The following ZDHHC13 variants were observed in gnomAD, a reference collection of about 807,000 sequenced individuals.
ZDHHC13 encodes zDHHC palmitoyltransferase 13.
Under a neutral mutation model 86.0 loss-of-function variants are expected in ZDHHC13, and 85 were observed. The observed-to-expected ratio is 0.99, with a 90% confidence interval of 0.83 to 1.18. The LOEUF (loss-of-function observed/expected upper bound fraction) is 1.18. Ranked by LOEUF, ZDHHC13 falls within the 50% of genes most tolerant of loss-of-function variation. The pLI, the probability that ZDHHC13 is intolerant of heterozygous loss-of-function variation, is 0.00. For missense variants in ZDHHC13, 711 were observed against 730.2 expected, an observed-to-expected ratio of 0.97 and a Z score of 0.30; for synonymous variants, 263 against 246.4, an observed-to-expected ratio of 1.07 and a Z score of -0.63.
rs1245381967 is a variant in ZDHHC13, at chr11:19,165,046, A to C, written c.1297-6A>C. 2 of 1,611,140 alleles carry C rather than the reference A, an allele frequency of 1.2e-6. No individual in the cohort carries two copies. The highest frequency in any genetic ancestry group is 1.7e-6 in the Non-Finnish European group (2 of 1,178,534). Reference sequence around the variant, plus strand: ...TTGCTTAGGCCTCTCTTAATTGCCCACTTAGATAAGGAAGCCATTAAGGTC... The same window carrying C: ...TTGCTTAGGCCTCTCTTAATTGCCCCCTTAGATAAGGAAGCCATTAAGGTC... On this transcript the variant is annotated splice_region_variant and splice_polypyrimidine_tract_variant and intron_variant, in intron 12 of 16. Coordinates refer to ENST00000446113, the MANE Select transcript of ZDHHC13 (RefSeq NM_019028.3).
In ZDHHC13 at chr11:19,163,309, C is replaced by T; in HGVS notation, c.1115C>T (p.Ala372Val). 1 of 1,583,672 alleles carries T rather than the reference C, an allele frequency of 6.3e-7. No homozygotes were observed. The highest frequency in any genetic ancestry group is 8.6e-7 in the Non-Finnish European group (1 of 1,168,956). ...TWFILFFPDL[A>V]GAPFYFSFIF... The stretch of plus-strand genomic sequence containing the variant: ...TCCTTAACTTGGCTTTAACATTTAG[C>T]AGGAGCCCCTTTCTATTTCAGTTTC... The change falls in exon 11 of 17, where the codon GCA (alanine) becomes GTA (valine). Residue 372 changes from alanine to valine, a missense_variant. Transcript: ENST00000446113.
In ZDHHC13 at chr11:19,166,479, A is replaced by G. The variant is rs1850073066; in HGVS notation, c.1474+94A>G. On this transcript the variant is annotated intron_variant, in intron 14 of 16. Transcript: ENST00000446113. The stretch of plus-strand genomic sequence containing the variant: ...TTGTATATCACATTCTGGCTGGGTG[A>G]CTATAAACCATACTCCTAATAAAAA... The G allele has an allele frequency of 2.4e-5, 23 of 974,562 alleles. No homozygotes were observed. The South Asian group carries it at 3.3e-4, about 14-fold the overall frequency. The allele number at this position is 974,562 out of a possible 1,614,324, so 60.4% of individuals were successfully genotyped here.
At chr11:19,144,882 G>A (rs1319001816) in intron 2 of ZDHHC13, among the ~76,000 whole-genome samples, 7 of 152,180 alleles carry the variant, frequency 4.6e-5, no homozygotes, top group Non-Finnish European at 5.9e-5. Context: ...TTGGCAGGCC[G>A]AGGTGGGCAG....
At chr11:19,155,083 A>G (rs1234062416) in intron 8 of ZDHHC13, among the ~76,000 whole-genome samples, 1 of 152,198 alleles carries the variant, frequency 6.6e-6, no homozygotes, top group Non-Finnish European at 1.5e-5. Flanking sequence ...TAGGGATGGC[A>G]TGGTGCAGTG....
At chr11:19,164,064 T>C (rs1849986800) in intron 11 of ZDHHC13, among the ~76,000 whole-genome samples, 1 of 152,122 alleles carries the variant, frequency 6.6e-6, no homozygotes, top group Non-Finnish European at 1.5e-5. Flanking sequence ...GATGAGGTGA[T>C]AGGTGGGAGT....
At chr11:19,162,507 G>C (rs1849940055) in intron 10 of ZDHHC13, among the ~76,000 whole-genome samples, 1 of 152,100 alleles carries the variant, frequency 6.6e-6, no homozygotes, top group African/African-American at 2.4e-5. Context: ...TACCCTAAAA[G>C]TGTGGTTTTA....
intron 1 of ZDHHC13, among the ~76,000 whole-genome samples, chr11:19,126,351 T>TTC (rs1848876525): frequency 6.7e-6 from 1 of 150,330 alleles, no homozygotes; most frequent in South Asian, 2.1e-4. Context: ...TCTTTTTTTT[T>TTC]TTTGCAGTGG....
intron 10 of ZDHHC13, 81 bp downstream of exon 10, chr11:19,159,121 G>T: frequency 1.0e-6 from 1 of 980,484 alleles, no homozygotes; most frequent in South Asian, 1.7e-5. Context: ...TTTAGGTATT[G>T]GAAAAGGCCC....
intron 15 of ZDHHC13, among the ~76,000 whole-genome samples, chr11:19,171,716 G>A (rs190811360): frequency 1.5e-3 from 232 of 152,168 alleles, no homozygotes; most frequent in African/African-American, 5.1e-3. Context: ...CTTAGAATAA[G>A]TACAAGTATA....
At position 19,132,627 on chromosome 11, in the gene ZDHHC13, C is replaced by T. The variant is rs138537522; in HGVS notation, c.28-10351C>T. On this transcript the variant is annotated intron_variant, in intron 1 of 16. Coordinates refer to ENST00000446113, the MANE Select transcript of ZDHHC13 (RefSeq NM_019028.3). The stretch of plus-strand genomic sequence containing the variant: ...TGCCCACAACTGCCAGCTATCTCAG[C>T]CTCTCTGATCTCAAATTTCTGTCTC... Among the ~76,000 whole-genome samples, 1,107 of 152,190 alleles carry T rather than the reference C, an allele frequency of 7.3e-3. 19 individuals carry two copies. Among genetic ancestry groups the T allele is most frequent in the African/African-American group, 0.026 (1,063 of 41,514 alleles).
chr11:19,171,345 G>C (rs1371998541), intron 15 of ZDHHC13, among the ~76,000 whole-genome samples: 1 of 152,110 alleles, frequency 6.6e-6, no homozygotes, highest in Admixed American at 6.6e-5. Context: ...ATCAATTACT[G>C]TAAGACCTCA....
chr11:19,173,498 A>C (rs1475638696), intron 16 of ZDHHC13, among the ~76,000 whole-genome samples: 1 of 152,148 alleles, frequency 6.6e-6, no homozygotes, highest in Non-Finnish European at 1.5e-5. Flanking sequence ...TGGGGATTTG[A>C]ATGCTCGCTG....
intron 2 of ZDHHC13, among the ~76,000 whole-genome samples, chr11:19,144,963 G>A (rs1051854001): frequency 5.3e-5 from 8 of 152,084 alleles, no homozygotes; most frequent in African/African-American, 1.9e-4. Flanking sequence ...ACAAAAATTA[G>A]CCTGGTGTCG....
rs73438359 is a variant in ZDHHC13 at position 19,147,782 on chromosome 11, C to G, written c.374+109C>G. ...AAGGCTGTCTTTTCTTCCCCCCCCC[C>G]CTTTATTTAAAAATAAATTTCAGCT... On this transcript the variant is annotated intron_variant, in intron 4 of 16. Transcript: ENST00000446113. 2.7e-3 allele frequency: 1,959 copies of G among 728,718 alleles called. 45 individuals are homozygous for G. In the African/African-American group the frequency reaches 0.033, roughly 12 times the overall value. 45.1% of individuals were successfully genotyped at this position (728,718 alleles called of 1,614,324 possible). A position where few individuals can be genotyped will look rare whatever the true frequency, so the allele number is the denominator to read the frequency against.
intron 9 of ZDHHC13, among the ~76,000 whole-genome samples, chr11:19,158,007 C>T (rs1461272708): frequency 1.3e-5 from 2 of 152,126 alleles, no homozygotes; most frequent in Non-Finnish European, 2.9e-5. Context: ...CATTGCATTA[C>T]CTAATTGGTC....
At position 19,147,659 on chromosome 11, in the gene ZDHHC13, T is replaced by G; in HGVS notation, c.360T>G (p.Leu120=). The change falls in exon 4 of 17, where the codon CTT becomes CTG. Residue 120 remains leucine, a synonymous_variant. Coordinates refer to ENST00000446113, the MANE Select transcript of ZDHHC13 (RefSeq NM_019028.3). The part of the protein sequence containing the change: ...QLGGDLNSTP[L]HWAIRQGHLP... Reference sequence around the variant, plus strand: ...GTGGAGATTTAAATTCAACTCCTCTTCACTGGGCCATCCGGTAAGGTTTCT... The same window carrying G: ...GTGGAGATTTAAATTCAACTCCTCTGCACTGGGCCATCCGGTAAGGTTTCT... 6.2e-7 allele frequency: 1 copy of G among 1,600,910 alleles called. No homozygotes were observed. The highest frequency in any genetic ancestry group is 1.3e-5 in the African/African-American group (1 of 74,846).
intron 1 of ZDHHC13, among the ~76,000 whole-genome samples, chr11:19,136,468 G>A (rs1441070473): frequency 6.6e-6 from 1 of 152,148 alleles, no homozygotes; most frequent in Non-Finnish European, 1.5e-5. Context: ...GAAAGTGACG[G>A]GGAGAATGGA....
chr11:19,164,218 G>C (rs911384927), intron 11 of ZDHHC13, 83 bp from the exon 12 acceptor site: 2 of 1,397,006 alleles, frequency 1.4e-6, no homozygotes, highest in Non-Finnish European at 9.9e-7. Context: ...AGTTTGGAGC[G>C]AGAACTGTGA....
At chr11:19,135,574 G>A (rs1293299095) in intron 1 of ZDHHC13, among the ~76,000 whole-genome samples, 6 of 152,246 alleles carry the variant, frequency 3.9e-5, no homozygotes, top group Non-Finnish European at 7.3e-5. Context: ...GCCCACCACA[G>A]CTCAAGGAGG....
Sources: gnomAD v4.1 joint callset for allele counts (sites outside exome capture counted in the v4.1 genomes callset) on GRCh38, gnomAD v4.1.1 for gene constraint, MANE v1.5 for transcripts, NCBI Gene and HGNC (gene_info 2026-07-23, HGNC 2026-07-21) for gene names.